The following ACSS3 variants were observed in gnomAD, a reference collection of about 807,000 sequenced individuals.
ACSS3 encodes the protein acyl-CoA synthetase short-chain family member 3, mitochondrial.
ACSS3 carries 64 observed loss-of-function variants against 84.2 expected under a neutral mutation model. The ratio of observed to expected loss-of-function variants is 0.76; its 90% CI spans 0.62 to 0.94. ACSS3 has a LOEUF of 0.94. Among genes scored for constraint, ACSS3 ranks in the 40% least tolerant of loss-of-function variants. ACSS3 has a pLI of 0.00. For missense variants in ACSS3, 815 were observed against 867.6 expected, an observed-to-expected ratio of 0.94 and a Z score of 0.76; for synonymous variants, 317 against 310.1, an observed-to-expected ratio of 1.02 and a Z score of -0.23.
At chr12:81,231,245 TA>T (rs2033452996) in intron 12 of ACSS3, 107 bp downstream of exon 12, 4 of 930,564 alleles carry the variant, frequency 4.3e-6, no homozygotes. Flanking sequence ...AAGAAACTTT[TA>T]AAGGTTATCT....
intron 13 of ACSS3, among the ~76,000 whole-genome samples, chr12:81,249,217 A>T (rs1454353247): frequency 6.6e-6 from 1 of 152,090 alleles, no homozygotes; most frequent in Non-Finnish European, 1.5e-5. Context: ...CTTGTAAGCT[A>T]AAATTTGCAG....
At chr12:81,150,477 C>A (rs1470159375) in intron 5 of ACSS3, among the ~76,000 whole-genome samples, 1 of 152,128 alleles carries the variant, frequency 6.6e-6, no homozygotes, top group Non-Finnish European at 1.5e-5. Flanking sequence ...GGATAGGATA[C>A]AGTGGAAAAA....
chr12:81,200,480 C>T (rs951072044), intron 9 of ACSS3, among the ~76,000 whole-genome samples: 3 of 152,124 alleles, frequency 2.0e-5, no homozygotes, highest in Non-Finnish European at 2.9e-5. Context: ...AAATGATTTT[C>T]ATGTAAAAGA....
intron 2 of ACSS3, among the ~76,000 whole-genome samples, chr12:81,119,857 T>C (rs555801098): frequency 1.3e-4 from 20 of 152,286 alleles, no homozygotes; most frequent in Admixed American, 5.9e-4. Flanking sequence ...GTGATGTACA[T>C]CCTCAGCTTA....
chr12:81,107,421 A>G lies in ACSS3; in HGVS notation c.312-2139A>G, dbSNP rs191359061. Among the ~76,000 whole-genome samples the G allele has an allele frequency of 1.3e-3, 201 of 149,538 alleles. 1 individual carries two copies. The highest frequency in any genetic ancestry group is 4.7e-3 in the African/African-American group (192 of 40,730). Reference sequence around the variant, plus strand: ...GTAGAATAGAAGTCATAGATAAAGGAAAAGAGAATAATGATATTATCAAGA... The same window carrying G: ...GTAGAATAGAAGTCATAGATAAAGGGAAAGAGAATAATGATATTATCAAGA... On this transcript the variant is annotated intron_variant, in intron 1 of 15. Transcript: ENST00000548058.
At chr12:81,207,423 A>T (rs2032394157) in intron 9 of ACSS3, among the ~76,000 whole-genome samples, 1 of 152,150 alleles carries the variant, frequency 6.6e-6, no homozygotes, top group Non-Finnish European at 1.5e-5. Flanking sequence ...CTGCCTTTAC[A>T]TCCCAATTCA....
At chr12:81,091,475 TCTC>T (rs1335468917) in intron 1 of ACSS3, among the ~76,000 whole-genome samples, 2 of 152,000 alleles carry the variant, frequency 1.3e-5, no homozygotes, top group African/African-American at 4.8e-5. Flanking sequence ...CTGCTCAAGA[TCTC>T]CTACATATGT....
intron 1 of ACSS3, among the ~76,000 whole-genome samples, chr12:81,080,567 G>A (rs2121254292): frequency 6.6e-6 from 1 of 152,144 alleles, no homozygotes; most frequent in South Asian, 2.1e-4. Context: ...AAAGAATTCT[G>A]GTTGGGCAAG....
chr12:81,152,244 G>T, intron 7 of ACSS3, 148 bp downstream of exon 7: 1 of 584,632 alleles, frequency 1.7e-6, no homozygotes, highest in Non-Finnish European at 2.8e-6. Context: ...AATTTTGAAA[G>T]GGAAAAGGAT....
intron 9 of ACSS3, among the ~76,000 whole-genome samples, chr12:81,201,689 CAT>C (rs1565717846): frequency 6.6e-6 from 1 of 152,154 alleles, no homozygotes; most frequent in African/African-American, 2.4e-5. Context: ...CCATGGAAAA[CAT>C]GTGGATTTTA....
At chr12:81,096,577 C>T (rs138427683) in intron 1 of ACSS3, among the ~76,000 whole-genome samples, 35 of 152,260 alleles carry the variant, frequency 2.3e-4, no homozygotes, top group Middle Eastern at 6.8e-3. Flanking sequence ...ACCGATCAAC[C>T]GGTCATCTAC....
intron 13 of ACSS3, 64 bp downstream of exon 13, chr12:81,233,535 A>C: frequency 6.4e-7 from 1 of 1,571,156 alleles, no homozygotes; most frequent in Non-Finnish European, 8.7e-7. Context: ...ACTGAAGACA[A>C]TATTGAGGTT....
chr12:81,106,143 A>G (rs1186367303), intron 1 of ACSS3, among the ~76,000 whole-genome samples: 1 of 152,212 alleles, frequency 6.6e-6, no homozygotes, highest in East Asian at 1.9e-4. Flanking sequence ...GCCACACAGC[A>G]GGAGGTGAGC....
chr12:81,089,731 A>T (rs140911965), intron 1 of ACSS3, among the ~76,000 whole-genome samples: 9 of 152,080 alleles, frequency 5.9e-5, no homozygotes, highest in African/African-American at 1.4e-4. Flanking sequence ...CAAAACAATG[A>T]CAATGGCAAA....
chr12:81,181,767 A>C (rs919160441), intron 8 of ACSS3, among the ~76,000 whole-genome samples: 2 of 148,184 alleles, frequency 1.3e-5, no homozygotes, highest in African/African-American at 5.0e-5. Context: ...AAAAAAAAAA[A>C]AGCAATAGAG....
chr12:81,116,121 C>T (rs1884024211), intron 2 of ACSS3, among the ~76,000 whole-genome samples: 1 of 151,824 alleles, frequency 6.6e-6, no homozygotes, highest in African/African-American at 2.4e-5. Flanking sequence ...ATAATGTACA[C>T]AAGCAGAAAG....
chr12:81,089,211 A>G (rs1043322773), intron 1 of ACSS3, among the ~76,000 whole-genome samples: 5 of 151,990 alleles, frequency 3.3e-5, no homozygotes, highest in Non-Finnish European at 5.9e-5. Flanking sequence ...TCTCAATAAA[A>G]AAATAGGATT....
chr12:81,108,916 C>T (rs1883323098), intron 1 of ACSS3, among the ~76,000 whole-genome samples: 2 of 151,886 alleles, frequency 1.3e-5, no homozygotes, highest in Non-Finnish European at 2.9e-5. Flanking sequence ...TCTGTGTTTT[C>T]GAAGGAAAAC....
chr12:81,213,864 CT>C (rs2032755117), intron 9 of ACSS3, among the ~76,000 whole-genome samples: 1 of 31,654 alleles, frequency 3.2e-5, no homozygotes, highest in African/African-American at 7.8e-5. Flanking sequence ...TCTTCTCTTC[CT>C]TTCTTTCTTT....
Sources: allele counts gnomAD v4.1 joint callset (sites outside exome capture counted in the v4.1 genomes callset), GRCh38; gene constraint gnomAD v4.1.1; transcripts MANE v1.5; gene names NCBI Gene and HGNC (gene_info 2026-07-23, HGNC 2026-07-21).